The following MGAT4C variants were observed in gnomAD, a reference collection of about 807,000 sequenced individuals.
MGAT4C encodes the protein alpha-1,3-mannosyl-glycoprotein 4-beta-N-acetylglucosaminyltransferase C.
A neutral mutation model predicts 40.1 loss-of-function variants in MGAT4C; 19 were observed. The observed-to-expected ratio is 0.47, with a 90% CI of 0.33 to 0.70. The LOEUF (loss-of-function observed/expected upper bound fraction) is 0.70, where lower values mean the gene tolerates loss of function less well. MGAT4C is among the 30% of genes least tolerant of loss of function. The pLI, the probability that MGAT4C is intolerant of heterozygous loss-of-function variation, is 0.02. For synonymous variants in MGAT4C, 181 were observed against 187.1 expected (o/e 0.97, Z 0.27); for missense variants, 491 against 563.2 (o/e 0.87, Z 1.30).
At chr12:86,185,929 A>G (rs868541406) in intron 1 of MGAT4C, among the ~76,000 whole-genome samples, 1 of 151,198 alleles carries the variant, frequency 6.6e-6, no homozygotes, top group African/African-American at 2.4e-5. Context: ...CCCACCCCAG[A>G]AAAAAAAATG....
At chr12:86,783,842 G>T (rs1243192477) in intron 1 of MGAT4C, among the ~76,000 whole-genome samples, 2 of 152,100 alleles carry the variant, frequency 1.3e-5, no homozygotes, top group South Asian at 4.1e-4. Context: ...GAATAAATTA[G>T]TAGTACTGGC....
chr12:86,028,201 C>T, intron 2 of MGAT4C: 5 of 1,283,032 alleles, frequency 3.9e-6, no homozygotes, highest in Non-Finnish European at 4.1e-6. Flanking sequence ...TTCCAAGATT[C>T]CATCTGCTGA....
intron 2 of MGAT4C, among the ~76,000 whole-genome samples, chr12:86,675,022 C>T (rs1013036991): frequency 6.6e-5 from 10 of 152,184 alleles, no homozygotes; most frequent in Admixed American, 6.5e-5. Context: ...ATACTTCATT[C>T]GTTTTTTTGT....
At position 85,963,342 on chromosome 12, in the gene MGAT4C, G is replaced by A. The variant is rs1009166213; in HGVS notation, c.*15947C>T. The A allele has an allele frequency of 6.6e-6, 1 of 151,786 alleles. No individual in the cohort carries two copies. The highest frequency in any genetic ancestry group is 1.5e-5 in the Non-Finnish European group (1 of 67,860). The allele number at this position is 151,786 out of a possible 1,614,324, so 9.4% of individuals were successfully genotyped here. On this transcript the variant is annotated 3_prime_UTR_variant, in exon 5 of 5. Transcript: ENST00000611864. ...ATTCTTGAAATGTAACTAGCACATA[G>A]TCAGTGTTTCTTAACCATTTTGGGG...
chr12:86,493,207 A>G (rs573790311), intron 2 of MGAT4C, among the ~76,000 whole-genome samples: 11 of 150,706 alleles, frequency 7.3e-5, no homozygotes, highest in Non-Finnish European at 1.6e-4. Flanking sequence ...TGGGACTGTA[A>G]ACTAGTTTAA....
chr12:86,028,979 T>C (rs937294241), intron 2 of MGAT4C, among the ~76,000 whole-genome samples: 2 of 152,010 alleles, frequency 1.3e-5, no homozygotes, highest in Non-Finnish European at 2.9e-5. Flanking sequence ...TATTTTCTAA[T>C]TATTGTTTAC....
intron 3 of MGAT4C, among the ~76,000 whole-genome samples, chr12:86,383,118 T>G (rs975935326): frequency 4.6e-5 from 7 of 152,172 alleles, no homozygotes; most frequent in African/African-American, 1.4e-4. Context: ...TGCCAGCTCA[T>G]GAAGCAGCCA....
chr12:86,794,340 AT>A, intron 1 of MGAT4C, among the ~76,000 whole-genome samples: 1 of 151,832 alleles, frequency 6.6e-6, no homozygotes, highest in South Asian at 2.1e-4. Flanking sequence ...ATCATCAGAA[AT>A]TTTAATAAAA....
chr12:86,023,181 A>C (rs1370553710), intron 2 of MGAT4C, among the ~76,000 whole-genome samples: 1 of 152,096 alleles, frequency 6.6e-6, no homozygotes, highest in African/African-American at 2.4e-5. Context: ...ATACCTTGAA[A>C]TTTTTGAAGG....
At chr12:86,815,693 T>C (rs1952588996) in intron 1 of MGAT4C, among the ~76,000 whole-genome samples, 1 of 151,562 alleles carries the variant, frequency 6.6e-6, no homozygotes, top group Non-Finnish European at 1.5e-5. Flanking sequence ...AAGGAATGAA[T>C]TAACAGCATT....
chr12:86,587,999 G>C (rs1961141736), intron 2 of MGAT4C, among the ~76,000 whole-genome samples: 1 of 151,994 alleles, frequency 6.6e-6, no homozygotes, highest in Non-Finnish European at 1.5e-5. Flanking sequence ...AATAGGAGTG[G>C]TGAGAGAGGG....
chr12:86,650,760 T>A (rs1963673618), intron 2 of MGAT4C, among the ~76,000 whole-genome samples: 1 of 151,872 alleles, frequency 6.6e-6, no homozygotes, highest in African/African-American at 2.4e-5. Flanking sequence ...AAGGGATTGG[T>A]TTATTACTGC....
intron 3 of MGAT4C, among the ~76,000 whole-genome samples, chr12:86,431,621 G>A (rs1405700676): frequency 6.6e-6 from 1 of 152,082 alleles, no homozygotes; most frequent in Non-Finnish European, 1.5e-5. Flanking sequence ...TACCATAAAT[G>A]TTCTCAGAAT....
chr12:86,772,037 G>A (rs1951648926), intron 1 of MGAT4C, among the ~76,000 whole-genome samples: 1 of 152,134 alleles, frequency 6.6e-6, no homozygotes, highest in Non-Finnish European at 1.5e-5. Context: ...AGTATCTGAA[G>A]ATATGGAAAA....
intron 3 of MGAT4C, among the ~76,000 whole-genome samples, chr12:86,417,371 TTAAAA>T (rs1232145525): frequency 2.0e-5 from 3 of 152,224 alleles, no homozygotes; most frequent in Non-Finnish European, 2.9e-5. Flanking sequence ...GTATACCTTG[TTAAAA>T]TAAAGTAAAA....
intron 2 of MGAT4C, among the ~76,000 whole-genome samples, chr12:86,547,951 T>A (rs1420419053): frequency 1.3e-5 from 2 of 152,154 alleles, no homozygotes; most frequent in Admixed American, 1.3e-4. Context: ...AGATCTCAGT[T>A]CAAATGTCAA....
At chr12:86,672,070 A>C (rs1389920851) in intron 2 of MGAT4C, among the ~76,000 whole-genome samples, 1 of 152,156 alleles carries the variant, frequency 6.6e-6, no homozygotes, top group Non-Finnish European at 1.5e-5. Flanking sequence ...AGAACCTTGA[A>C]ATAATATCAA....
intron 2 of MGAT4C, among the ~76,000 whole-genome samples, chr12:86,530,773 A>G (rs1402984066): frequency 2.0e-5 from 3 of 152,082 alleles, no homozygotes; most frequent in African/African-American, 7.2e-5. Context: ...CCAATGAAAG[A>G]AGAAACTGTC....
At chr12:86,688,923 A>C (rs1017735657) in intron 2 of MGAT4C, among the ~76,000 whole-genome samples, 7 of 152,146 alleles carry the variant, frequency 4.6e-5, no homozygotes, top group Non-Finnish European at 1.0e-4. Flanking sequence ...TCTCCTGGAT[A>C]ATATCCTGAA....
Sources: gnomAD v4.1 joint callset for allele counts (sites outside exome capture counted in the v4.1 genomes callset) on GRCh38, gnomAD v4.1.1 for gene constraint, MANE v1.5 for transcripts, NCBI Gene and HGNC (gene_info 2026-07-23, HGNC 2026-07-21) for gene names.